Variants in ZNF717 observed in about 807,000 individuals in gnomAD.
ZNF717 encodes the protein zinc finger protein 717.
Under a neutral mutation model 13.8 loss-of-function variants are expected in ZNF717, and 9 were observed. The observed-to-expected ratio is 0.65, with a 90% CI of 0.39 to 1.14. The LOEUF (loss-of-function observed/expected upper bound fraction) is 1.14, where lower values mean the gene tolerates loss of function less well. Ranked by LOEUF, ZNF717 falls within the 50% of genes most tolerant of loss-of-function variation. The pLI is 0.01. For synonymous variants in ZNF717, 327 were observed against 364.1 expected, an observed-to-expected ratio of 0.90 and a Z score of 1.16; for missense variants, 1,040 against 1,080.7, an observed-to-expected ratio of 0.96 and a Z score of 0.53.
chr3:75,770,482 C>G (rs1943800145), intron 2 of ZNF717, among the ~76,000 whole-genome samples: 1 of 152,120 alleles, frequency 6.6e-6, no homozygotes, highest in South Asian at 2.1e-4. Context: ...ATTGCTTGAA[C>G]CTGGGAGGTG....
chr3:75,761,162 G>A (rs1428393527), intron 2 of ZNF717, among the ~76,000 whole-genome samples: 1 of 152,162 alleles, frequency 6.6e-6, no homozygotes, highest in Non-Finnish European at 1.5e-5. Flanking sequence ...CCCCAAAAAA[G>A]AAAATTCCAG....
At chr3:75,714,825 G>A (rs1359716278) in intron 5 of ZNF717, among the ~76,000 whole-genome samples, 1 of 152,062 alleles carries the variant, frequency 6.6e-6, no homozygotes, top group Non-Finnish European at 1.5e-5. Flanking sequence ...TATTTCATGA[G>A]GCCATTTATC....
intron 4 of ZNF717, among the ~76,000 whole-genome samples, chr3:75,720,719 A>G (rs1487290994): frequency 6.6e-6 from 1 of 152,278 alleles, no homozygotes; most frequent in East Asian, 1.9e-4. Flanking sequence ...ACAGTGGCTC[A>G]TATTTGTAAA....
At chr3:75,734,813 ATATATTTTTTTTTT>A (rs1938954928), downstream of ZNF717, among the ~76,000 whole-genome samples, 1 of 60,080 alleles carries the variant, frequency 1.7e-5, no homozygotes, top group African/African-American at 9.0e-5. Context: ...ATATATATAT[ATATATTTTTTTTTT>A]TTTTTTTTTT....
chr3:75,708,712 A>C (rs1575714686), downstream of ZNF717, among the ~76,000 whole-genome samples: 1 of 152,272 alleles, frequency 6.6e-6, no homozygotes, highest in Admixed American at 6.5e-5. Context: ...GAAGTTAAAA[A>C]CTGTGAAAAA....
At chr3:75,708,614 G>A (rs373840833), downstream of ZNF717, among the ~76,000 whole-genome samples, 35 of 152,312 alleles carry the variant, frequency 2.3e-4, no homozygotes, top group East Asian at 1.4e-3. Flanking sequence ...AAAGCTGGAC[G>A]GAGAATGACT....
At chr3:75,774,737 C>G (rs1301131507) in intron 2 of ZNF717, among the ~76,000 whole-genome samples, 3 of 149,904 alleles carry the variant, frequency 2.0e-5, no homozygotes, top group Non-Finnish European at 4.4e-5. Context: ...TTTCCTGCCT[C>G]AGCCTCCCAA....
chr3:75,783,047 G>T (rs372130360), intron 2 of ZNF717, among the ~76,000 whole-genome samples: 1 of 152,218 alleles, frequency 6.6e-6, no homozygotes, highest in African/African-American at 2.4e-5. Flanking sequence ...CTCTTCGCGG[G>T]TTCCATTCCA....
At chr3:75,735,835 A>T (rs1490989902), downstream of ZNF717, 2 of 152,284 alleles carry the variant, frequency 1.3e-5, no homozygotes, top group Middle Eastern at 3.4e-3. Flanking sequence ...AGAAAAGACA[A>T]ATTGTTAGAG....
rs191057497 is a variant in ZNF717, at chr3:75,781,753, T to C, written c.57+1553A>G. Among the ~76,000 whole-genome samples, 123 of 152,298 alleles carry C rather than the reference T, an allele frequency of 8.1e-4. 1 individual carries two copies. The East Asian group carries it at 0.014, about 17-fold the overall frequency. On this transcript the variant is annotated intron_variant, in intron 2 of 4. Coordinates refer to ENST00000652011, the MANE Select transcript of ZNF717 (RefSeq NM_001290208.3). ...ACTGATAAAGCGCTGAGGCAAGTGATGTCTGCAGTTCCCAGCAATTTACTC... is the reference window on the plus strand; with the variant it reads ...ACTGATAAAGCGCTGAGGCAAGTGACGTCTGCAGTTCCCAGCAATTTACTC...
intron 2 of ZNF717, among the ~76,000 whole-genome samples, chr3:75,755,736 A>G (rs573419598): frequency 6.6e-6 from 1 of 152,388 alleles, no homozygotes; most frequent in South Asian, 2.1e-4. Context: ...AAAAAGAAGT[A>G]CATGCTAAGA....
chr3:75,784,530 G>A (rs142619825), intron 1 of ZNF717, among the ~76,000 whole-genome samples: 275 of 152,322 alleles, frequency 1.8e-3, no homozygotes, highest in African/African-American at 6.0e-3. Flanking sequence ...AAAGGTTGAA[G>A]GAATGGGACT....
intron 4 of ZNF717, among the ~76,000 whole-genome samples, chr3:75,718,778 A>T (rs1374343053): frequency 6.6e-6 from 1 of 152,146 alleles, no homozygotes; most frequent in South Asian, 2.1e-4. Flanking sequence ...ATCTGATAGG[A>T]GGCGGAGCTC....
At chr3:75,702,499 G>C (rs1575711653) in intron 6 of ZNF717, among the ~76,000 whole-genome samples, 1 of 152,044 alleles carries the variant, frequency 6.6e-6, no homozygotes, top group East Asian at 1.9e-4. Flanking sequence ...CAGGGGGATA[G>C]TGGGGGTGCT....
intron 2 of ZNF717, among the ~76,000 whole-genome samples, chr3:75,777,000 G>C (rs568471955): frequency 1.3e-5 from 2 of 152,340 alleles, no homozygotes; most frequent in East Asian, 3.9e-4. Context: ...TGAGTAAGGA[G>C]CATATGCCAA....
chr3:75,770,137 C>T (rs1001933999), intron 2 of ZNF717, among the ~76,000 whole-genome samples: 2 of 152,196 alleles, frequency 1.3e-5, no homozygotes, highest in East Asian at 3.9e-4. Flanking sequence ...GGGGACTGAA[C>T]CTCACCACCC....
chr3:75,702,318 T>C lies in ZNF717; in HGVS notation n.1085+8869A>G, dbSNP rs1319018863. 8.5e-5 allele frequency among the ~76,000 whole-genome samples: 13 copies of C among 152,422 alleles called. No individual in the cohort carries two copies. In the East Asian group the frequency reaches 1.7e-3, roughly 20 times the overall value. On this transcript the variant is annotated intron_variant and non_coding_transcript_variant, in intron 6 of 6. Transcript: ENST00000648506. ...AAGAATGAGAGTATACCATTTGCAATAACATAAATGGAACTGTAAGTCTTT... is the reference window on the plus strand; with the variant it reads ...AAGAATGAGAGTATACCATTTGCAACAACATAAATGGAACTGTAAGTCTTT...
At chr3:75,753,310 T>C (rs976131035) in intron 2 of ZNF717, among the ~76,000 whole-genome samples, 2 of 151,416 alleles carry the variant, frequency 1.3e-5, no homozygotes, top group Non-Finnish European at 2.9e-5. Context: ...TGAATGTTTG[T>C]CCCTCACATA....
At chr3:75,703,066 C>T (rs1394744469) in intron 6 of ZNF717, among the ~76,000 whole-genome samples, 4 of 152,296 alleles carry the variant, frequency 2.6e-5, no homozygotes, top group Admixed American at 1.3e-4. Context: ...CGAGGGGAAA[C>T]ATCTTGAAAC....
Sources: gnomAD v4.1 joint callset for allele counts (sites outside exome capture counted in the v4.1 genomes callset) on GRCh38, gnomAD v4.1.1 for gene constraint, MANE v1.5 for transcripts, NCBI Gene and HGNC (gene_info 2026-07-23, HGNC 2026-07-21) for gene names.